Variants in TOX2 observed in about 807,000 individuals in gnomAD.
The protein encoded by TOX2 is TOX high mobility group box family member 2.
A neutral mutation model predicts 47.4 loss-of-function variants in TOX2; 15 were observed. The observed-to-expected ratio is 0.32, with a 90% CI of 0.21 to 0.49. The LOEUF (loss-of-function observed/expected upper bound fraction) is 0.49. Among genes scored for constraint, TOX2 ranks in the 20% least tolerant of loss-of-function variants. The pLI, the probability that TOX2 is intolerant of heterozygous loss-of-function variation, is 0.99. For synonymous variants in TOX2, 290 were observed against 296.6 expected (o/e 0.98, Z 0.23); for missense variants, 622 against 673.1 (o/e 0.92, Z 0.84).
intron 5 of TOX2, among the ~76,000 whole-genome samples, chr20:44,054,829 C>T (rs2071590484): frequency 6.6e-6 from 1 of 152,192 alleles, no homozygotes; most frequent in Admixed American, 6.5e-5. Context: ...CTTGTCCCAC[C>T]AACCCTAAAA....
intron 5 of TOX2, among the ~76,000 whole-genome samples, chr20:44,056,788 C>CTATTTATTTTATCATTTCT (rs1474353196): frequency 5.3e-5 from 8 of 152,068 alleles, no homozygotes; most frequent in Non-Finnish European, 1.2e-4. Flanking sequence ...GCCAAGCTTA[C>CTATTTATTTTATCATTTCT]TATTTATTTT....
intron 1 of TOX2, among the ~76,000 whole-genome samples, chr20:43,947,835 C>T (rs890155748): frequency 6.6e-6 from 1 of 152,182 alleles, no homozygotes; most frequent in South Asian, 2.1e-4. Flanking sequence ...ACCTGACGAC[C>T]TGTTTGCTGA....
At chr20:43,931,373 G>A (rs1038574183) in intron 1 of TOX2, among the ~76,000 whole-genome samples, 2 of 152,152 alleles carry the variant, frequency 1.3e-5, no homozygotes, top group African/African-American at 4.8e-5. Context: ...GGGCTCAAGC[G>A]ATCCTCCCAC....
At chr20:43,932,880 A>C (rs2145324582) in intron 1 of TOX2, among the ~76,000 whole-genome samples, 1 of 152,150 alleles carries the variant, frequency 6.6e-6, no homozygotes, top group Middle Eastern at 3.4e-3. Context: ...GGGCCTGGAC[A>C]AATCTCATCT....
At chr20:43,973,904 A>T (rs2070024049) in intron 2 of TOX2, among the ~76,000 whole-genome samples, 1 of 152,178 alleles carries the variant, frequency 6.6e-6, no homozygotes. Context: ...ACAAGGAAAG[A>T]GAGCAGAAGG....
At chr20:43,994,739 A>G (rs544064506) in intron 2 of TOX2, among the ~76,000 whole-genome samples, 1 of 152,292 alleles carries the variant, frequency 6.6e-6, no homozygotes, top group South Asian at 2.1e-4. Context: ...CTTGAGTCAG[A>G]TTGTGTCCTG....
chr20:43,968,484 G>A (rs1216084447), intron 1 of TOX2, among the ~76,000 whole-genome samples: 1 of 152,266 alleles, frequency 6.6e-6, no homozygotes, highest in Admixed American at 6.5e-5. Flanking sequence ...AATAGGGGCC[G>A]AGGAGCTCTT....
At chr20:43,965,655 C>T (rs147347589) in intron 1 of TOX2, among the ~76,000 whole-genome samples, 3 of 152,332 alleles carry the variant, frequency 2.0e-5, no homozygotes, top group Non-Finnish European at 4.4e-5. Flanking sequence ...GCATATTCCT[C>T]AGCACGAGAT....
At chr20:43,931,803 C>T (rs1290542295) in intron 1 of TOX2, among the ~76,000 whole-genome samples, 1 of 152,078 alleles carries the variant, frequency 6.6e-6, no homozygotes, top group East Asian at 1.9e-4. Flanking sequence ...GTAAGGTAGC[C>T]AGTAGCCGTG....
chr20:43,983,075 G>A (rs117494239), intron 2 of TOX2, among the ~76,000 whole-genome samples: 1,950 of 152,020 alleles, frequency 0.013, 31 homozygotes, highest in Admixed American at 0.017. Context: ...GCCACCAAAT[G>A]TGAACCTGCT....
At chr20:43,932,085 T>C (rs993094245) in intron 1 of TOX2, among the ~76,000 whole-genome samples, 1 of 151,976 alleles carries the variant, frequency 6.6e-6, no homozygotes, top group Non-Finnish European at 1.5e-5. Flanking sequence ...TGGGGTATGG[T>C]GGAGAGTGGG....
intron 5 of TOX2, among the ~76,000 whole-genome samples, chr20:44,059,997 T>C (rs935493360): frequency 6.6e-6 from 1 of 152,218 alleles, no homozygotes; most frequent in African/African-American, 2.4e-5. Context: ...GAGTATCTGC[T>C]GTCTTCAAGA....
intron 3 of TOX2, among the ~76,000 whole-genome samples, chr20:44,017,805 G>T (rs1205812248): frequency 2.0e-5 from 3 of 152,146 alleles, no homozygotes; most frequent in Non-Finnish European, 2.9e-5. Context: ...AAATGACTTG[G>T]CTACACAGTT....
chr20:44,001,182 G>A (rs1401909375), intron 2 of TOX2, among the ~76,000 whole-genome samples: 9 of 152,118 alleles, frequency 5.9e-5, no homozygotes, highest in Non-Finnish European at 1.3e-4. Flanking sequence ...ACCATGGAAC[G>A]GCCAATTCTA....
intron 3 of TOX2, among the ~76,000 whole-genome samples, chr20:44,014,493 TATC>T (rs2070840645): frequency 6.6e-6 from 1 of 152,138 alleles, no homozygotes; most frequent in African/African-American, 2.4e-5. Flanking sequence ...TGGCATACAG[TATC>T]ATCTAGTAGT....
At chr20:43,971,040 C>A (rs1210406133) in intron 1 of TOX2, among the ~76,000 whole-genome samples, 1 of 152,176 alleles carries the variant, frequency 6.6e-6, no homozygotes, top group Non-Finnish European at 1.5e-5. Context: ...AGGGACTCTC[C>A]CCGTCCCTGT....
chr20:44,011,357 A>G (rs1041220323), intron 3 of TOX2, among the ~76,000 whole-genome samples: 3 of 151,978 alleles, frequency 2.0e-5, no homozygotes, highest in Non-Finnish European at 4.4e-5. Context: ...CCCTTGAGGG[A>G]CTCCTGGTGC....
chr20:44,021,448 C>T (rs544358559), intron 3 of TOX2, among the ~76,000 whole-genome samples: 1 of 152,290 alleles, frequency 6.6e-6, no homozygotes, highest in Non-Finnish European at 1.5e-5. Context: ...CCACAGGACT[C>T]CTCTTCTCCT....
At chr20:43,967,569 A>G (rs1600691832) in intron 1 of TOX2, among the ~76,000 whole-genome samples, 1 of 151,954 alleles carries the variant, frequency 6.6e-6, no homozygotes, top group African/African-American at 2.4e-5. Flanking sequence ...CTCTTCCCAT[A>G]CACTTGTCTG....
Sources: allele counts gnomAD v4.1 joint callset (sites outside exome capture counted in the v4.1 genomes callset), GRCh38; gene constraint gnomAD v4.1.1; transcripts MANE v1.5; gene names NCBI Gene and HGNC (gene_info 2026-07-23, HGNC 2026-07-21).